The following ASIC2 variants were observed in gnomAD, a reference collection of about 807,000 sequenced individuals.
ASIC2 encodes acid-sensing ion channel 2.
Under a neutral mutation model 57.3 loss-of-function variants are expected in ASIC2, and 25 were observed. That is an observed-to-expected ratio of 0.44 (90% CI 0.32 to 0.61). The LOEUF (loss-of-function observed/expected upper bound fraction) is 0.61. Among genes scored for constraint, ASIC2 ranks in the 20% least tolerant of loss-of-function variants. ASIC2 has a pLI of 0.06. For synonymous variants in ASIC2, 319 were observed against 307.5 expected (o/e 1.04, Z -0.39); for missense variants, 641 against 738.1 (o/e 0.87, Z 1.52).
intron 1 of ASIC2, among the ~76,000 whole-genome samples, chr17:33,681,474 C>T (rs1907998654): frequency 7.6e-6 from 1 of 132,352 alleles, no homozygotes; most frequent in Non-Finnish European, 1.5e-5. Flanking sequence ...GGGTTGGGAA[C>T]TACCAGTTTA....
chr17:33,399,994 AC>A (rs199967521), intron 1 of ASIC2, among the ~76,000 whole-genome samples: 1,538 of 152,334 alleles, frequency 0.01, 37 homozygotes, highest in African/African-American at 0.035. Flanking sequence ...AAATAAGCAG[AC>A]CTGGGTTACC....
intron 1 of ASIC2, among the ~76,000 whole-genome samples, chr17:33,802,436 A>G (rs1412182254): frequency 2.0e-5 from 3 of 152,218 alleles, no homozygotes; most frequent in African/African-American, 4.8e-5. Flanking sequence ...TTTTAAAAAC[A>G]CAAAGTAAAA....
At chr17:33,669,982 G>A (rs1189248610) in intron 1 of ASIC2, among the ~76,000 whole-genome samples, 1 of 152,202 alleles carries the variant, frequency 6.6e-6, no homozygotes, top group African/African-American at 2.4e-5. Flanking sequence ...GCTTCCTGTA[G>A]AGACAGTGGA....
intron 3 of ASIC2, among the ~76,000 whole-genome samples, chr17:33,031,318 T>C (rs1336335736): frequency 6.6e-6 from 1 of 152,180 alleles, no homozygotes; most frequent in East Asian, 1.9e-4. Flanking sequence ...TTGTATGTAA[T>C]ATTCTTATCA....
intron 1 of ASIC2, among the ~76,000 whole-genome samples, chr17:33,898,220 CTTTTTTTTTTTTTTTTT>C (rs771624171): frequency 1.4e-4 from 9 of 66,184 alleles, no homozygotes; most frequent in East Asian, 1.3e-3. Flanking sequence ...CATGTATAAT[CTTTTTTTTTTTTTTTTT>C]TTTTTTTTTT....
chr17:33,262,046 G>T (rs992954458), intron 1 of ASIC2, among the ~76,000 whole-genome samples: 1 of 152,194 alleles, frequency 6.6e-6, no homozygotes, highest in Admixed American at 6.5e-5. Context: ...GCGCACGACC[G>T]GGTTGTCAGG....
At chr17:33,548,900 T>C (rs1430659271) in intron 1 of ASIC2, among the ~76,000 whole-genome samples, 1 of 152,134 alleles carries the variant, frequency 6.6e-6, no homozygotes, top group Non-Finnish European at 1.5e-5. Context: ...AAATGACTTC[T>C]CAGAGGGCTT....
chr17:33,634,743 C>T (rs7208115), intron 1 of ASIC2: 43,466 of 141,998 alleles, frequency 0.31, 6,720 homozygotes, highest in East Asian at 0.43. Flanking sequence ...TTAGTAGTGA[C>T]GGGGTTTCGC....
chr17:33,685,431 G>A (rs114402274), intron 1 of ASIC2, among the ~76,000 whole-genome samples: 83 of 152,146 alleles, frequency 5.5e-4, no homozygotes, highest in Middle Eastern at 3.4e-3. Context: ...TTCCCCAGCC[G>A]TGCTCCAGCA....
chr17:33,273,992 C>T (rs1391076), intron 1 of ASIC2, among the ~76,000 whole-genome samples: 51,050 of 151,978 alleles, frequency 0.34, 8,733 homozygotes, highest in Admixed American at 0.41. Context: ...GTGGTACTTA[C>T]GTCCATTTTA....
chr17:33,484,434 C>G (rs1280405847), intron 1 of ASIC2, among the ~76,000 whole-genome samples: 7 of 152,120 alleles, frequency 4.6e-5, no homozygotes, highest in Admixed American at 4.6e-4. Context: ...ATGACATAAA[C>G]TACACAGATA....
intron 1 of ASIC2, among the ~76,000 whole-genome samples, chr17:34,059,693 G>A (rs986900225): frequency 2.6e-5 from 4 of 152,108 alleles, no homozygotes; most frequent in Non-Finnish European, 5.9e-5. Context: ...GTTGGCATAG[G>A]AGCTGGGTGA....
rs990789419 is a variant in ASIC2 at position 33,659,171 on chromosome 17, C to T, written c.555+496807G>A. On this transcript the variant is annotated intron_variant, in intron 1 of 9. Coordinates refer to the ASIC2 transcript ENST00000359872. ...ACCAGGAAGACTGTGGCTGGCCACT[C>T]AGCCGGGGAATATTCCTGTCTTGTC... is the stretch of plus-strand genomic sequence containing the variant. 3.3e-5 allele frequency among the ~76,000 whole-genome samples: 5 copies of T among 152,158 alleles called. No individual in the cohort carries two copies. In the South Asian group the frequency reaches 8.3e-4, roughly 25 times the overall value.
At chr17:33,490,083 A>G (rs939068389) in intron 1 of ASIC2, among the ~76,000 whole-genome samples, 3 of 152,242 alleles carry the variant, frequency 2.0e-5, no homozygotes, top group Admixed American at 2.0e-4. Context: ...AATCCAGCCT[A>G]CTACCTGTTT....
At chr17:33,485,245 G>A (rs1913539314) in intron 1 of ASIC2, among the ~76,000 whole-genome samples, 2 of 152,220 alleles carry the variant, frequency 1.3e-5, no homozygotes, top group Non-Finnish European at 2.9e-5. Context: ...AGTGGATAAA[G>A]GGCCTAGGGA....
At chr17:33,501,512 G>T (rs1251498555) in intron 1 of ASIC2, among the ~76,000 whole-genome samples, 1 of 152,232 alleles carries the variant, frequency 6.6e-6, no homozygotes, top group Non-Finnish European at 1.5e-5. Flanking sequence ...CAAATAAGTG[G>T]CAGTGTTGAA....
intron 1 of ASIC2, among the ~76,000 whole-genome samples, chr17:33,642,824 A>T (rs1347103476): frequency 6.6e-6 from 1 of 152,218 alleles, no homozygotes; most frequent in Non-Finnish European, 1.5e-5. Flanking sequence ...TGAAATGCCA[A>T]GCACCTTCAT....
chr17:33,090,358 G>T (rs1215425476), intron 2 of ASIC2, among the ~76,000 whole-genome samples: 1 of 152,170 alleles, frequency 6.6e-6, no homozygotes, highest in Non-Finnish European at 1.5e-5. Context: ...AGTATCCTGA[G>T]GCCAAGTTCT....
At chr17:33,959,154 C>T (rs999262644) in intron 1 of ASIC2, among the ~76,000 whole-genome samples, 1 of 152,210 alleles carries the variant, frequency 6.6e-6, no homozygotes, top group Non-Finnish European at 1.5e-5. Flanking sequence ...AACTTTCCCA[C>T]ATTTTCATGT....
Sources: gnomAD v4.1 joint callset for allele counts (sites outside exome capture counted in the v4.1 genomes callset) on GRCh38, gnomAD v4.1.1 for gene constraint, MANE v1.5 for transcripts, NCBI Gene and HGNC (gene_info 2026-07-23, HGNC 2026-07-21) for gene names.